The following SLC44A2 variants were observed in gnomAD, a reference collection of about 807,000 sequenced individuals.
The protein encoded by SLC44A2 is solute carrier family 44 member 2 (CTL2 blood group), also known as choline transporter-like protein 2.
Under a neutral mutation model 90.8 loss-of-function variants are expected in SLC44A2, and 57 were observed. The ratio of observed to expected loss-of-function variants is 0.63; its 90% CI spans 0.51 to 0.78. The LOEUF is 0.78. Among genes scored for constraint, SLC44A2 ranks in the 30% least tolerant of loss-of-function variants. The probability of loss-of-function intolerance (pLI) is 0.00; values close to 1 mark genes in which losing one functional copy is unlikely to be tolerated. For missense variants in SLC44A2, 794 were observed against 919.7 expected (o/e 0.86, Z 1.77); for synonymous variants, 355 against 360.7 (o/e 0.98, Z 0.18).
In SLC44A2 at chr19:10,643,037, G is replaced by A. The variant is rs772317468; in HGVS notation, c.2015-242G>A. On this transcript the variant is annotated intron_variant, in intron 21 of 21. Transcript: ENST00000335757. The stretch of plus-strand genomic sequence containing the variant: ...GGAGTAGAGAGTGAGGGAGACTGGC[G>A]TGGGGGCCAGGTTTCCTCCATGTAG... The A allele has an allele frequency of 3.0e-5, 46 of 1,508,880 alleles. No homozygotes were observed. In the East Asian group the frequency reaches 4.2e-4, roughly 14 times the overall value. The allele number at this position is 1,508,880 out of a possible 1,614,324, so 93.5% of individuals were successfully genotyped here. A position where few individuals can be genotyped will look rare whatever the true frequency, so the allele number is the denominator to read the frequency against.
chr19:10,619,285 G>C (rs913826559), intron 1 of SLC44A2, among the ~76,000 whole-genome samples: 3 of 151,604 alleles, frequency 2.0e-5, no homozygotes, highest in African/African-American at 7.3e-5. Flanking sequence ...TAAAAAATTA[G>C]CCGGGCGTGG....
At chr19:10,636,849 C>A in intron 16 of SLC44A2, 93 bp downstream of exon 16, 3 of 1,300,750 alleles carry the variant, frequency 2.3e-6, no homozygotes, top group Non-Finnish European at 3.2e-6. Context: ...TGGGCGGGGC[C>A]AAGATAATAG....
At chr19:10,639,593 T>C (rs1025448525) in intron 20 of SLC44A2, among the ~76,000 whole-genome samples, 7 of 151,592 alleles carry the variant, frequency 4.6e-5, no homozygotes, top group Non-Finnish European at 1.0e-4. Flanking sequence ...GAAGTGGAGA[T>C]AAGGGCCAGG....
At chr19:10,642,510 A>G (rs1006085619) in intron 21 of SLC44A2, 59 bp downstream of exon 21, 31 of 1,493,932 alleles carry the variant, frequency 2.1e-5, no homozygotes, top group Non-Finnish European at 2.9e-5. Context: ...TCCACTGGGC[A>G]TCACATCACC....
At chr19:10,604,457 G>T (rs1918043625) in intron 1 of SLC44A2, among the ~76,000 whole-genome samples, 1 of 152,178 alleles carries the variant, frequency 6.6e-6, no homozygotes, top group Non-Finnish European at 1.5e-5. Context: ...AAAAACCTGG[G>T]GGCCTTGGAC....
At chr19:10,602,551 C>A in exon 1 of SLC44A2, 1 of 1,277,490 alleles carries the variant, frequency 7.8e-7, no homozygotes, top group Non-Finnish European at 9.9e-7. Flanking sequence ...AGCGGAAAAA[C>A]GGAGCCTACG....
At chr19:10,613,734 C>G (rs945434894) in intron 1 of SLC44A2, among the ~76,000 whole-genome samples, 2 of 151,998 alleles carry the variant, frequency 1.3e-5, no homozygotes, top group Non-Finnish European at 2.9e-5. Context: ...CATGGAACGA[C>G]GGAAGCGAGG....
At chr19:10,615,925 G>T (rs76434079) in intron 1 of SLC44A2, among the ~76,000 whole-genome samples, 11,785 of 152,110 alleles carry the variant, frequency 0.077, 523 homozygotes, top group East Asian at 0.12. Flanking sequence ...AGCACTTTGG[G>T]CGGCCAAAGC....
chr19:10,609,598 C>T (rs894558367), intron 1 of SLC44A2, among the ~76,000 whole-genome samples: 6 of 151,900 alleles, frequency 3.9e-5, no homozygotes, highest in Admixed American at 6.6e-5. Flanking sequence ...CTGTGCCTGG[C>T]GAAGTATAAT....
intron 4 of SLC44A2, 110 bp from the exon 5 acceptor site, chr19:10,630,947 G>A: frequency 3.7e-6 from 3 of 818,268 alleles, no homozygotes; most frequent in South Asian, 3.3e-5. Context: ...GGAGGTTGCA[G>A]TGAGCCGAGA....
At chr19:10,602,853 G>A (rs1380134418) in intron 1 of SLC44A2, among the ~76,000 whole-genome samples, 5 of 152,188 alleles carry the variant, frequency 3.3e-5, no homozygotes, top group African/African-American at 7.2e-5. Flanking sequence ...GCGGGCGGGG[G>A]AGGGGAGGCG....
intron 8 of SLC44A2, 30 bp downstream of exon 8, chr19:10,631,779 C>T (rs769302600): frequency 6.2e-7 from 1 of 1,614,082 alleles, no homozygotes. Flanking sequence ...GCGCCAGGGT[C>T]TCACTTTGCT....
intron 1 of SLC44A2, among the ~76,000 whole-genome samples, chr19:10,618,817 G>A (rs992818967): frequency 4.0e-5 from 6 of 151,708 alleles, no homozygotes; most frequent in African/African-American, 1.2e-4. Context: ...CAGGCAATCC[G>A]CCTGCTTCAG....
At chr19:10,612,569 C>T (rs1157233928) in intron 1 of SLC44A2, among the ~76,000 whole-genome samples, 2 of 152,202 alleles carry the variant, frequency 1.3e-5, no homozygotes, top group African/African-American at 4.8e-5. Context: ...CAGGCACAGA[C>T]TTCTGGGAAG....
At chr19:10,603,910 T>C (rs376858121) in intron 1 of SLC44A2, among the ~76,000 whole-genome samples, 41 of 152,246 alleles carry the variant, frequency 2.7e-4, no homozygotes, top group African/African-American at 8.9e-4. Context: ...AGGGGCAGAA[T>C]GGACAATGAT....
chr19:10,603,084 G>A (rs1918007698), intron 1 of SLC44A2, among the ~76,000 whole-genome samples: 1 of 152,248 alleles, frequency 6.6e-6, no homozygotes, highest in East Asian at 1.9e-4. Flanking sequence ...CGGAAAGAAG[G>A]GCGCCTTTGG....
At chr19:10,639,849 C>T (rs886892658) in intron 20 of SLC44A2, among the ~76,000 whole-genome samples, 1 of 151,642 alleles carries the variant, frequency 6.6e-6, no homozygotes, top group Non-Finnish European at 1.5e-5. Context: ...CCACTGCACT[C>T]GAGCCTGGGT....
chr19:10,611,598 C>T (rs1030591000), intron 1 of SLC44A2, among the ~76,000 whole-genome samples: 1 of 152,020 alleles, frequency 6.6e-6, no homozygotes, highest in African/African-American at 2.4e-5. Context: ...GTGGGTGGAT[C>T]GCTTGAGTCC....
intron 1 of SLC44A2, 100 bp from the exon 2 acceptor site, chr19:10,626,153 A>G (rs1464559550): frequency 1.0e-6 from 1 of 954,040 alleles, no homozygotes; most frequent in Admixed American, 1.8e-5. Flanking sequence ...TATTCTTGCC[A>G]AGGCAAAGAC....
Sources: gnomAD v4.1 joint callset for allele counts (sites outside exome capture counted in the v4.1 genomes callset) on GRCh38, gnomAD v4.1.1 for gene constraint, MANE v1.5 for transcripts, NCBI Gene and HGNC (gene_info 2026-07-23, HGNC 2026-07-21) for gene names.